Variants in DAB2IP observed in about 807,000 individuals in gnomAD.
DAB2IP encodes the protein DAB2 interacting protein, also known as disabled homolog 2-interacting protein.
A neutral mutation model predicts 107.2 loss-of-function variants in DAB2IP; 28 were observed. The observed-to-expected ratio is 0.26, with a 90% CI of 0.19 to 0.36. The LOEUF is 0.36. DAB2IP is among the 10% of genes least tolerant of loss of function. The probability of loss-of-function intolerance (pLI) is 1.00; values close to 1 mark genes in which losing one functional copy is unlikely to be tolerated. For missense variants in DAB2IP, 1,400 were observed against 1,644.7 expected, an observed-to-expected ratio of 0.85 and a Z score of 2.57; for synonymous variants, 755 against 706.4, an observed-to-expected ratio of 1.07 and a Z score of -1.09.
At position 121,755,086 on chromosome 9, in the gene DAB2IP, G is replaced by A. The variant is rs114235639; in HGVS notation, c.363-1927G>A. 7.6e-3 allele frequency among the ~76,000 whole-genome samples: 1,158 copies of A among 152,274 alleles called. 14 individuals are homozygous for A. The highest frequency in any genetic ancestry group is 0.026 in the African/African-American group (1,100 of 41,550). On this transcript the variant is annotated intron_variant, in intron 3 of 15. Coordinates refer to ENST00000408936, the Ensembl canonical transcript of DAB2IP. ...CTGGAGTCCACCCTGGGAGGTGGGCGGCTCAGGTGGAATCTCAGCCCAGGG... is the reference window on the plus strand; with the variant it reads ...CTGGAGTCCACCCTGGGAGGTGGGCAGCTCAGGTGGAATCTCAGCCCAGGG...
In DAB2IP at chr9:121,782,387, C is replaced by A; in HGVS notation, c.3459C>A (p.Thr1153=). Residue 1153 remains threonine, a synonymous_variant, in exon 16 of 16, where the codon ACC becomes ACA. Transcript: ENST00000408936. This position sits in a 1 kb window ranked among gnomAD's most constrained non-coding sequence, Gnocchi z 6.1. ...ATGCCCGCCTCATGAGTGCCCTGAC[C>A]CAGCTGAAAGAGAGGTACAGCATGC... The A allele has an allele frequency of 6.2e-7, 1 of 1,614,110 alleles. No individual in the cohort carries two copies. Among genetic ancestry groups the A allele is most frequent in the Non-Finnish European group, 8.5e-7 (1 of 1,179,968 alleles).
intron 1 of DAB2IP, among the ~76,000 whole-genome samples, chr9:121,636,931 G>T (rs1832110417): frequency 6.6e-6 from 1 of 152,252 alleles, no homozygotes; most frequent in Admixed American, 6.5e-5. Context: ...TAGGGAACTT[G>T]CCCTAGGTCA....
chr9:121,581,785 A>G (rs1830199004), intron 1 of DAB2IP, among the ~76,000 whole-genome samples: 1 of 152,198 alleles, frequency 6.6e-6, no homozygotes, highest in Non-Finnish European at 1.5e-5. Context: ...CAGCAGTCCC[A>G]GTAAAGTAGG....
At chr9:121,755,508 G>A (rs1177553978) in intron 3 of DAB2IP, among the ~76,000 whole-genome samples, 1 of 152,212 alleles carries the variant, frequency 6.6e-6, no homozygotes, top group Non-Finnish European at 1.5e-5. Flanking sequence ...AGAGGGAGCC[G>A]GTTGACTGGG....
chr9:121,757,208 T>C, intron 4 of DAB2IP, 42 bp downstream of exon 4: 1 of 1,599,850 alleles, frequency 6.3e-7, no homozygotes, highest in Non-Finnish European at 8.5e-7. Context: ...CCCCATCCTC[T>C]CCTGGCCTGG....
At chr9:121,617,623 C>G (rs1052405250) in intron 1 of DAB2IP, among the ~76,000 whole-genome samples, 2 of 152,256 alleles carry the variant, frequency 1.3e-5, no homozygotes, top group Non-Finnish European at 2.9e-5. Context: ...TGACCACCCT[C>G]CCCGCTGAGG....
intron 2 of DAB2IP, among the ~76,000 whole-genome samples, chr9:121,693,183 GCTCCGC>G (rs1829246446): frequency 6.6e-6 from 1 of 152,210 alleles, no homozygotes; most frequent in South Asian, 2.1e-4. Context: ...GGTTCTAATG[GCTCCGC>G]CTGGTGACGC....
intron 1 of DAB2IP, among the ~76,000 whole-genome samples, chr9:121,658,040 A>G (rs923809576): frequency 1.3e-5 from 2 of 152,116 alleles, no homozygotes; most frequent in Non-Finnish European, 2.9e-5. Context: ...GCTTTCCCTA[A>G]GATGAGCCCA....
At position 121,772,145 on chromosome 9, in the gene DAB2IP, G is replaced by T. The variant is rs1022621515; in HGVS notation, c.2079-462G>T. Among the ~76,000 whole-genome samples the T allele has an allele frequency of 2.6e-5, 4 of 152,194 alleles. No homozygotes were observed. Among genetic ancestry groups the T allele is most frequent in the African/African-American group, 9.7e-5 (4 of 41,446 alleles). The stretch of plus-strand genomic sequence containing the variant: ...GCTGGGCAAGAGGAGGTTTCACCGG[G>T]CCCCCACTTCAGTTACCAGTCTGAT... On this transcript the variant is annotated intron_variant, in intron 11 of 15. Transcript: ENST00000408936. This position sits in a 1 kb window ranked among gnomAD's most constrained non-coding sequence, Gnocchi z 4.7.
chr9:121,763,203 A>C (rs771904630), intron 6 of DAB2IP, among the ~76,000 whole-genome samples: 4 of 151,910 alleles, frequency 2.6e-5, no homozygotes, highest in Non-Finnish European at 1.5e-5. Context: ...AAATGAGTCC[A>C]TTCTCTGTGG....
At chr9:121,696,559 C>T (rs970367085) in intron 2 of DAB2IP, among the ~76,000 whole-genome samples, 3 of 152,122 alleles carry the variant, frequency 2.0e-5, no homozygotes, top group Non-Finnish European at 4.4e-5. Flanking sequence ...AGGGAGAGGA[C>T]GCCCTTGGCC....
chr9:121,632,829 A>T (rs1475795540), intron 1 of DAB2IP, among the ~76,000 whole-genome samples: 3 of 152,202 alleles, frequency 2.0e-5, no homozygotes, highest in Non-Finnish European at 4.4e-5. Context: ...CTCCCTGAAG[A>T]GGAATGCGGT....
intron 1 of DAB2IP, among the ~76,000 whole-genome samples, chr9:121,580,632 T>C (rs1009300035): frequency 3.3e-5 from 5 of 151,810 alleles, no homozygotes; most frequent in Admixed American, 3.3e-4. Flanking sequence ...AAGAACTTTT[T>C]TTTTTTTTCT....
At chr9:121,732,184 G>C (rs761446814) in intron 3 of DAB2IP, among the ~76,000 whole-genome samples, 1 of 152,150 alleles carries the variant, frequency 6.6e-6, no homozygotes, top group Non-Finnish European at 1.5e-5. Context: ...ACTATGCTGG[G>C]TGTTGCCTAG....
chr9:121,619,715 T>A (rs1831397492), intron 1 of DAB2IP, among the ~76,000 whole-genome samples: 2 of 152,216 alleles, frequency 1.3e-5, no homozygotes, highest in East Asian at 3.8e-4. Flanking sequence ...CAGTAATGAT[T>A]TCCGGGAGCG....
chr9:121,776,170 G>C lies in DAB2IP; in HGVS notation c.3121-28G>C. On this transcript the variant is annotated intron_variant, in intron 13 of 15. Transcript: ENST00000408936. This position sits in a 1 kb window ranked among gnomAD's most constrained non-coding sequence, Gnocchi z 5.4. ...CTGTGCTCTCTGTGTCCTGGGTGCT[G>C]TGCCCGTGGACGCTGCCCTCCTGGT... 1.3e-6 allele frequency: 2 copies of C among 1,556,752 alleles called. No individual in the cohort carries two copies. Among genetic ancestry groups the C allele is most frequent in the Non-Finnish European group, 8.7e-7 (1 of 1,150,070 alleles).
At chr9:121,631,338 T>C (rs148896583) in intron 1 of DAB2IP, among the ~76,000 whole-genome samples, 389 of 152,122 alleles carry the variant, frequency 2.6e-3, no homozygotes, top group African/African-American at 7.5e-3. Flanking sequence ...GGCATTGGAT[T>C]TGGGCCTTGA....
intron 1 of DAB2IP, among the ~76,000 whole-genome samples, chr9:121,587,330 GGTGCA>G (rs1830330665): frequency 6.6e-6 from 1 of 152,182 alleles, no homozygotes; most frequent in African/African-American, 2.4e-5. Flanking sequence ...GTTGAGGCCA[GGTGCA>G]GTGGCTCATG....
chr9:121,753,788 A>T (rs981456155), intron 3 of DAB2IP, among the ~76,000 whole-genome samples: 2 of 152,192 alleles, frequency 1.3e-5, no homozygotes, highest in Non-Finnish European at 2.9e-5. Context: ...AATGGGAGTG[A>T]GGTAGAGACC....
Sources: allele counts gnomAD v4.1 joint callset (sites outside exome capture counted in the v4.1 genomes callset), GRCh38; gene constraint gnomAD v4.1.1; non-coding constraint Gnocchi (gnomAD v3.1); transcripts MANE v1.5; gene names NCBI Gene and HGNC (gene_info 2026-07-23, HGNC 2026-07-21).